The following UNC79 variants were observed in gnomAD, a reference collection of about 807,000 sequenced individuals.
UNC79 encodes protein unc-79 homolog.
Under a neutral mutation model 283.1 loss-of-function variants are expected in UNC79, and 37 were observed. That is an observed-to-expected ratio of 0.13 (90% CI 0.10 to 0.17). The LOEUF is 0.17. UNC79 is among the 10% of genes least tolerant of loss of function. The pLI, the probability that UNC79 is intolerant of heterozygous loss-of-function variation, is 1.00. For synonymous variants in UNC79, 1,107 were observed against 1,200.2 expected (o/e 0.92, Z 1.61); for missense variants, 2,272 against 3,211.1 (o/e 0.71, Z 7.07).
Position 93,600,238 on chromosome 14 carries a change from C to A in UNC79, c.3373-331C>A, listed in dbSNP as rs554614938. Among the ~76,000 whole-genome samples, 9 of 152,080 alleles carry A rather than the reference C, an allele frequency of 5.9e-5. No individual in the cohort carries two copies. The South Asian group carries it at 6.2e-4, about 11-fold the overall frequency. ...AGAAACAAACAAACAACAACAACAA[C>A]AAAAAACCCAGATGCATTGACTTGA... On this transcript the variant is annotated intron_variant, in intron 24 of 48. Coordinates refer to ENST00000555664, the Ensembl canonical transcript of UNC79.
chr14:93,459,516 G>T (rs1222720888), intron 1 of UNC79, among the ~76,000 whole-genome samples: 1 of 152,082 alleles, frequency 6.6e-6, no homozygotes, highest in African/African-American at 2.4e-5. Flanking sequence ...TGCTAAATCT[G>T]TATCACTGAA....
Position 93,443,276 on chromosome 14 carries a change from A to G in UNC79, c.22+12225A>G, listed in dbSNP as rs182963244. 2.6e-5 allele frequency among the ~76,000 whole-genome samples: 4 copies of G among 151,444 alleles called. No individual in the cohort carries two copies. The East Asian group carries it at 7.8e-4, about 29-fold the overall frequency. ...ATAAATACCCTTATCCTTATCTTAG[A>G]AAGATTCCTTGTGTCCTTTGCTCTT... On this transcript the variant is annotated intron_variant, in intron 1 of 48. Transcript: ENST00000555664.
exon 49 of UNC79, chr14:93,706,770 A>G: frequency 6.2e-7 from 1 of 1,614,234 alleles, no homozygotes; most frequent in Non-Finnish European, 8.5e-7. Flanking sequence ...CCACAGCCTA[A>G]GGACGCTGCC....
intron 14 of UNC79, among the ~76,000 whole-genome samples, chr14:93,555,098 C>A (rs2062093694): frequency 6.6e-6 from 1 of 152,170 alleles, no homozygotes; most frequent in Admixed American, 6.5e-5. Flanking sequence ...CAGTTCCTGA[C>A]CTGCCTAATT....
intron 1 of UNC79, among the ~76,000 whole-genome samples, chr14:93,418,880 A>T (rs1227297411): frequency 6.6e-6 from 1 of 151,738 alleles, no homozygotes; most frequent in Non-Finnish European, 1.5e-5. Flanking sequence ...TTGGAAAAGC[A>T]CAGTATTAGG....
chr14:93,621,232 A>G lies in UNC79; in HGVS notation c.4388-389A>G, dbSNP rs190560247. 2.0e-5 allele frequency among the ~76,000 whole-genome samples: 3 copies of G among 152,268 alleles called. No homozygotes were observed. In the East Asian group the frequency reaches 5.8e-4, roughly 29 times the overall value. ...AATCGACAGATACATCATTAATGTC[A>G]TGATCGTCTTTGAGAGCCATTGCTT... On this transcript the variant is annotated intron_variant, in intron 29 of 48. Transcript: ENST00000555664. The surrounding 1 kb of genome is among the most constrained non-coding windows in gnomAD (Gnocchi z 4.8).
chr14:93,475,001 G>A (rs1018731127), intron 3 of UNC79, among the ~76,000 whole-genome samples: 27 of 152,282 alleles, frequency 1.8e-4, no homozygotes, highest in Admixed American at 4.6e-4. Flanking sequence ...GGTGCTATGT[G>A]CTATTTGCAG....
chr14:93,654,866 C>T (rs1008937030), intron 37 of UNC79, among the ~76,000 whole-genome samples: 4 of 152,198 alleles, frequency 2.6e-5, no homozygotes, highest in South Asian at 2.1e-4. Context: ...GGTTTGCTTG[C>T]GGGAGATGCT....
intron 41 of UNC79, among the ~76,000 whole-genome samples, chr14:93,675,700 A>G (rs1225100885): frequency 1.3e-5 from 2 of 152,202 alleles, no homozygotes; most frequent in African/African-American, 2.4e-5. Context: ...GTTTTTCTCA[A>G]AGGCTTGAGA....
rs561561817 is a variant in UNC79 at position 93,571,524 on chromosome 14, C to T, written c.1756-370C>T. Among the ~76,000 whole-genome samples, 55 of 152,256 alleles carry T rather than the reference C, an allele frequency of 3.6e-4. 1 individual carries two copies. In the South Asian group the frequency reaches 5.2e-3, roughly 14 times the overall value. The stretch of plus-strand genomic sequence containing the variant: ...GTGTTCCTCTGAAGCACAGGTATAA[C>T]GTGCATGTTGTAATGGATTTATCAG... On this transcript the variant is annotated intron_variant, in intron 14 of 48. Transcript: ENST00000555664.
At chr14:93,348,570 G>A (rs1018351383) in intron 1 of UNC79, among the ~76,000 whole-genome samples, 3 of 152,138 alleles carry the variant, frequency 2.0e-5, no homozygotes, top group Non-Finnish European at 4.4e-5. Context: ...GTACTGCCAT[G>A]CCACACTTCA....
Position 93,597,533 on chromosome 14 carries a change from C to G in UNC79, c.3365C>G (p.Ala1122Gly). 1.9e-6 allele frequency: 3 copies of G among 1,611,598 alleles called. No homozygotes were observed. The South Asian group carries it at 3.3e-5, about 18-fold the overall frequency. ...CTGCTTGACACCATAAAGAGGCCAG[C>G]ATTGCAGGTGACATGTGATTTGTGT... Residue 1122 changes from alanine (A) to glycine (G), a missense_variant, in exon 24 of 49, where the codon GCA becomes GGA. By Grantham distance (60) the Ala-to-Gly change is moderately conservative. This residue lies in a region of UNC79 where 237 missense variants were observed against 378.9 expected (regional missense o/e 0.63). Coordinates refer to ENST00000555664, the Ensembl canonical transcript of UNC79.
intron 24 of UNC79, 81 bp downstream of exon 24, chr14:93,597,621 A>C: frequency 7.0e-7 from 1 of 1,427,826 alleles, no homozygotes; most frequent in Non-Finnish European, 9.4e-7. Flanking sequence ...GTCACGTCCT[A>C]GTCTGTTTGA....
chr14:93,477,143 G>A (rs543330865), intron 3 of UNC79, among the ~76,000 whole-genome samples: 1 of 152,250 alleles, frequency 6.6e-6, no homozygotes, highest in East Asian at 1.9e-4. Flanking sequence ...CTCATTGCCC[G>A]ACACTCCAGA....
intron 44 of UNC79, chr14:93,689,221 C>T (rs752819703): frequency 2.6e-5 from 5 of 195,128 alleles, no homozygotes; most frequent in South Asian, 1.6e-4. Flanking sequence ...GGGATGAAAT[C>T]GGTGCAAGAT....
chr14:93,564,747 T>C (rs2062772532), intron 14 of UNC79, among the ~76,000 whole-genome samples: 1 of 147,390 alleles, frequency 6.8e-6, no homozygotes, highest in Non-Finnish European at 1.5e-5. Flanking sequence ...TCAAAGGAGG[T>C]TGTTCTCTGG....
chr14:93,571,093 T>C (rs1410068681), intron 14 of UNC79, among the ~76,000 whole-genome samples: 2 of 150,556 alleles, frequency 1.3e-5, no homozygotes, highest in African/African-American at 4.8e-5. Context: ...AATTGATTGA[T>C]TTTTTGGAAT....
chr14:93,517,319 C>G (rs2060112580), intron 7 of UNC79, among the ~76,000 whole-genome samples: 1 of 106,444 alleles, frequency 9.4e-6, no homozygotes, highest in South Asian at 3.4e-4. Context: ...TTCTTTCTAT[C>G]CTTCTCTTTT....
At chr14:93,456,728 C>T (rs1425004613) in intron 1 of UNC79, among the ~76,000 whole-genome samples, 2 of 152,170 alleles carry the variant, frequency 1.3e-5, no homozygotes, top group African/African-American at 2.4e-5. Context: ...ATTTATATGC[C>T]TCTGCTCTGA....
Sources: gnomAD v4.1 joint callset for allele counts (sites outside exome capture counted in the v4.1 genomes callset) on GRCh38, gnomAD v4.1.1 for gene constraint, gnomAD v4.1.1 regional missense constraint, Gnocchi (gnomAD v3.1) non-coding constraint, MANE v1.5 for transcripts, NCBI Gene and HGNC (gene_info 2026-07-23, HGNC 2026-07-21) for gene names.